The following DACH2 variants were observed in gnomAD, a reference collection of about 807,000 sequenced individuals.
The protein encoded by DACH2 is dachshund homolog 2.
DACH2 carries 17 observed loss-of-function variants against 35.8 expected under a neutral mutation model. The observed-to-expected ratio is 0.48, with a 90% CI of 0.33 to 0.71. DACH2 has a LOEUF of 0.71. DACH2 is among the 30% of genes least tolerant of loss of function. The pLI is 0.02. For synonymous variants in DACH2, 195 were observed against 177.3 expected (o/e 1.10, Z -0.79); for missense variants, 469 against 472.7 (o/e 0.99, Z 0.07).
chrX:86,615,655 G>A (rs1364601755), intron 3 of DACH2, among the ~76,000 whole-genome samples: 1 of 111,284 alleles, frequency 9.0e-6, no homozygotes, highest in Admixed American at 9.5e-5. Context: ...CATCCAAGGA[G>A]TAACTAAAGC....
intron 2 of DACH2, among the ~76,000 whole-genome samples, chrX:86,405,247 G>T (rs1337241074): frequency 8.9e-6 from 1 of 111,797 alleles, no homozygotes; most frequent in Non-Finnish European, 1.9e-5. Flanking sequence ...CAGAAAATAG[G>T]TTTTTCTTGT....
intron 6 of DACH2, among the ~76,000 whole-genome samples, chrX:86,730,840 A>T (rs982679400): frequency 4.5e-5 from 5 of 111,593 alleles, no homozygotes; most frequent in Non-Finnish European, 7.5e-5. Context: ...CTACCTTCTC[A>T]TTGCTTAAAA....
intron 2 of DACH2, among the ~76,000 whole-genome samples, chrX:86,436,371 T>C (rs1261933985): frequency 1.5e-5 from 1 of 66,861 alleles, no homozygotes; most frequent in Non-Finnish European, 3.0e-5. Context: ...TATATGTATA[T>C]ATATATATAT....
chrX:86,357,068 A>T, intron 1 of DACH2, among the ~76,000 whole-genome samples: 2 of 111,350 alleles, frequency 1.8e-5, no homozygotes, highest in Middle Eastern at 9.2e-3. Context: ...TGAATTTTCC[A>T]TTCCTGAGTT....
At chrX:86,427,737 A>G (rs2036918118) in intron 2 of DACH2, among the ~76,000 whole-genome samples, 1 of 112,072 alleles carries the variant, frequency 8.9e-6, no homozygotes, top group African/African-American at 3.2e-5. Flanking sequence ...TGTAAAAAGC[A>G]GCTACCATTA....
At chrX:86,772,208 A>G (rs2041993687) in intron 7 of DACH2, among the ~76,000 whole-genome samples, 1 of 111,461 alleles carries the variant, frequency 9.0e-6, no homozygotes. Context: ...CTTTATAACT[A>G]TTACTATTAT....
At chrX:86,623,047 T>C (rs1189161119) in intron 3 of DACH2, among the ~76,000 whole-genome samples, 3 of 111,789 alleles carry the variant, frequency 2.7e-5, no homozygotes, top group Non-Finnish European at 5.6e-5. Flanking sequence ...AGGCAGGTAT[T>C]TATCAAGTAC....
chrX:86,406,047 C>A (rs1435271047), intron 2 of DACH2, among the ~76,000 whole-genome samples: 2 of 111,606 alleles, frequency 1.8e-5, no homozygotes, highest in African/African-American at 3.3e-5. Flanking sequence ...TCCCACTGGG[C>A]CCCTCCCATG....
chrX:86,705,545 T>C (rs942585493), intron 5 of DACH2, among the ~76,000 whole-genome samples: 1 of 111,148 alleles, frequency 9.0e-6, no homozygotes, highest in Non-Finnish European at 1.9e-5. Context: ...AACGAGATGG[T>C]ACCTTACCCC....
At chrX:86,162,951 C>T (rs2030815138) in intron 1 of DACH2, among the ~76,000 whole-genome samples, 1 of 110,544 alleles carries the variant, frequency 9.0e-6, no homozygotes, top group Admixed American at 9.7e-5. Context: ...TTATGGGGTA[C>T]ATGAGATATT....
chrX:86,819,500 C>A (rs1422525161), intron 11 of DACH2, among the ~76,000 whole-genome samples: 1 of 111,984 alleles, frequency 8.9e-6, no homozygotes, highest in Non-Finnish European at 1.9e-5. Context: ...CTGATAAAAG[C>A]AAATTAAATT....
At chrX:86,642,249 G>A (rs1232364764) in intron 3 of DACH2, among the ~76,000 whole-genome samples, 5 of 111,274 alleles carry the variant, frequency 4.5e-5, no homozygotes, top group African/African-American at 9.8e-5. Context: ...TCAAAATAAA[G>A]GGATGTAGAA....
chrX:86,536,898 CT>C (rs926639873), intron 3 of DACH2, among the ~76,000 whole-genome samples: 1 of 111,029 alleles, frequency 9.0e-6, no homozygotes, highest in African/African-American at 3.3e-5. Context: ...TCTCAGATAC[CT>C]TTTGGTTTAT....
intron 3 of DACH2, among the ~76,000 whole-genome samples, chrX:86,517,070 A>G (rs1408986191): frequency 8.9e-6 from 1 of 111,773 alleles, no homozygotes; most frequent in African/African-American, 3.3e-5. Flanking sequence ...CAGGGTATAT[A>G]TACCCAGTAA....
At chrX:86,389,351 T>G (rs2148116303) in intron 2 of DACH2, among the ~76,000 whole-genome samples, 1 of 112,495 alleles carries the variant, frequency 8.9e-6, no homozygotes. Flanking sequence ...GAATCTTTCC[T>G]TGCACTTTAC....
chrX:86,292,655 C>G (rs2034330835), intron 1 of DACH2, among the ~76,000 whole-genome samples: 1 of 110,764 alleles, frequency 9.0e-6, no homozygotes, highest in Non-Finnish European at 1.9e-5. Flanking sequence ...CAAAGAACAT[C>G]TTTATTTCTG....
intron 1 of DACH2, among the ~76,000 whole-genome samples, chrX:86,246,449 T>C (rs2033285927): frequency 8.9e-6 from 1 of 111,765 alleles, no homozygotes; most frequent in South Asian, 3.8e-4. Context: ...GTGAACTCTA[T>C]CAGGCTAACA....
intron 1 of DACH2, among the ~76,000 whole-genome samples, chrX:86,268,429 C>A (rs1363284859): frequency 9.0e-6 from 1 of 111,457 alleles, no homozygotes; most frequent in African/African-American, 3.2e-5. Context: ...GCAATTTAAC[C>A]AATGCCACAT....
intron 1 of DACH2, among the ~76,000 whole-genome samples, chrX:86,193,605 A>G (rs2031892390): frequency 8.9e-6 from 1 of 111,845 alleles, no homozygotes; most frequent in Non-Finnish European, 1.9e-5. Context: ...CAGTATAGTG[A>G]GTCAGGGCAA....
Sources: allele counts gnomAD v4.1 joint callset (sites outside exome capture counted in the v4.1 genomes callset), GRCh38; gene constraint gnomAD v4.1.1; transcripts MANE v1.5; gene names NCBI Gene and HGNC (gene_info 2026-07-23, HGNC 2026-07-21).